Variants in DTNA observed in about 807,000 individuals in gnomAD.
The protein encoded by DTNA is dystrobrevin alpha.
Under a neutral mutation model 100.7 loss-of-function variants are expected in DTNA, and 43 were observed. The observed-to-expected ratio is 0.43, with a 90% CI of 0.33 to 0.55. The LOEUF is 0.55. Ranked by LOEUF, DTNA falls within the 20% of genes least tolerant of loss-of-function variation. The pLI, the probability that DTNA is intolerant of heterozygous loss-of-function variation, is 0.04. For missense variants in DTNA, 798 were observed against 953.9 expected, an observed-to-expected ratio of 0.84 and a Z score of 2.15; for synonymous variants, 349 against 347.9, an observed-to-expected ratio of 1.00 and a Z score of -0.04.
intron 1 of DTNA, among the ~76,000 whole-genome samples, chr18:34,667,581 AT>A (rs1348959494): frequency 6.6e-6 from 1 of 152,166 alleles, no homozygotes; most frequent in Non-Finnish European, 1.5e-5. Flanking sequence ...AGCTCTTATT[AT>A]TTTTAGATAT....
At chr18:34,527,391 A>G (rs1235241781) in intron 1 of DTNA, among the ~76,000 whole-genome samples, 3 of 152,094 alleles carry the variant, frequency 2.0e-5, no homozygotes, top group Non-Finnish European at 4.4e-5. Context: ...GTGGTGCACC[A>G]GATGCTGCCA....
intron 1 of DTNA, among the ~76,000 whole-genome samples, chr18:34,686,677 C>G (rs1224678209): frequency 2.0e-5 from 3 of 152,072 alleles, no homozygotes; most frequent in Non-Finnish European, 4.4e-5. Context: ...TGGAGTCCCT[C>G]TTTTTCTTTT....
In DTNA at chr18:34,888,220, CTGAATTCTT is replaced by C; in HGVS notation, c.*490_*498del. On this transcript the variant is annotated 3_prime_UTR_variant, in exon 23 of 23. Transcript: ENST00000444659. ...CTGTTTATAGCTAGAAGTTTGATTT[CTGAATTCTT>C]TGAGATTTTAGCAAAACAGTTTATT... 3 of 985,810 alleles carry C rather than the reference CTGAATTCTT, an allele frequency of 3.0e-6. No individual in the cohort carries two copies. The highest frequency in any genetic ancestry group is 3.6e-6 in the Non-Finnish European group (3 of 829,906). The allele number at this position is 985,810 out of a possible 1,614,324, so 61.1% of individuals were successfully genotyped here.
intron 1 of DTNA, among the ~76,000 whole-genome samples, chr18:34,516,089 C>G (rs929360691): frequency 6.6e-6 from 1 of 152,024 alleles, no homozygotes; most frequent in Non-Finnish European, 1.5e-5. Flanking sequence ...CCCAATAATT[C>G]AACGTAGGTT....
At chr18:34,656,923 A>G (rs1004842148) in intron 1 of DTNA, among the ~76,000 whole-genome samples, 12 of 151,976 alleles carry the variant, frequency 7.9e-5, no homozygotes, top group African/African-American at 2.9e-4. Context: ...GTCACCCAGG[A>G]TGCAGTTCAG....
At chr18:34,685,881 T>G (rs567335362) in intron 1 of DTNA, among the ~76,000 whole-genome samples, 2 of 152,312 alleles carry the variant, frequency 1.3e-5, no homozygotes, top group South Asian at 4.1e-4. Context: ...TTCTTAGGTA[T>G]TTTATTCTCT....
At chr18:34,770,800 T>TTG (rs1323241871) in intron 3 of DTNA, among the ~76,000 whole-genome samples, 1 of 147,990 alleles carries the variant, frequency 6.8e-6, no homozygotes, top group South Asian at 2.2e-4. Context: ...TTTTTTTTTT[T>TTG]GAGTGGAGTT....
chr18:34,801,073 C>A (rs1200866808), intron 4 of DTNA, among the ~76,000 whole-genome samples: 1 of 152,054 alleles, frequency 6.6e-6, no homozygotes, highest in Non-Finnish European at 1.5e-5. Flanking sequence ...ATATTTTAAC[C>A]AAAGGGTAAG....
upstream of DTNA, chr18:34,709,321 G>C (rs962848795): frequency 3.3e-5 from 5 of 152,198 alleles, no homozygotes; most frequent in African/African-American, 1.2e-4. Flanking sequence ...GGGAAATAAG[G>C]AAGGTTGTGC....
At chr18:34,538,812 A>G (rs1160813662) in intron 1 of DTNA, among the ~76,000 whole-genome samples, 1 of 151,982 alleles carries the variant, frequency 6.6e-6, no homozygotes, top group African/African-American at 2.4e-5. Flanking sequence ...AAAATAATAT[A>G]TAATTGTATG....
intron 1 of DTNA, among the ~76,000 whole-genome samples, chr18:34,692,262 G>T (rs1270235370): frequency 6.6e-6 from 1 of 152,202 alleles, no homozygotes; most frequent in Admixed American, 6.5e-5. Context: ...CCGTTCTGGG[G>T]AAGGAAACCT....
intron 6 of DTNA, among the ~76,000 whole-genome samples, chr18:34,814,899 T>G (rs1026860549): frequency 3.3e-5 from 5 of 152,056 alleles, no homozygotes; most frequent in African/African-American, 1.2e-4. Flanking sequence ...GTATGACAAA[T>G]AGTCAAAATG....
chr18:34,528,216 G>C (rs2145418778), intron 1 of DTNA, among the ~76,000 whole-genome samples: 1 of 152,138 alleles, frequency 6.6e-6, no homozygotes, highest in East Asian at 1.9e-4. Context: ...CAATTGACTG[G>C]ACTCAAGGAA....
chr18:34,766,511 C>T (rs1047035755), intron 3 of DTNA, among the ~76,000 whole-genome samples: 14 of 151,306 alleles, frequency 9.3e-5, no homozygotes, highest in South Asian at 8.3e-4. Flanking sequence ...CATCACACTC[C>T]GGGGCCTGTT....
rs1044804028 is a variant in DTNA, at chr18:34,686,241, C to T, written c.-1-69735C>T. Among the ~76,000 whole-genome samples the T allele has an allele frequency of 3.9e-5, 6 of 152,078 alleles. No homozygotes were observed. In the East Asian group the frequency reaches 1.2e-3, roughly 29 times the overall value. ...TGGTTTTCAAAGGGAATGCTTCTGG[C>T]TTTTGCCCATTCAGTATGATTTTGG... On this transcript the variant is annotated intron_variant, in intron 1 of 19. Coordinates refer to the DTNA transcript ENST00000283365.
At chr18:34,608,513 GT>G (rs34065264) in intron 1 of DTNA, among the ~76,000 whole-genome samples, 36,043 of 144,512 alleles carry the variant, frequency 0.25, 5,233 homozygotes, top group African/African-American at 0.42. Context: ...TATTCGTTAG[GT>G]TTTTTTTTTT....
At chr18:34,812,833 T>C (rs1487833076) in intron 6 of DTNA, among the ~76,000 whole-genome samples, 1 of 152,200 alleles carries the variant, frequency 6.6e-6, no homozygotes, top group Non-Finnish European at 1.5e-5. Flanking sequence ...AAATATATGC[T>C]TGACCCGGCA....
intron 1 of DTNA, among the ~76,000 whole-genome samples, chr18:34,744,200 A>T (rs577289681): frequency 6.6e-6 from 1 of 152,336 alleles, no homozygotes; most frequent in East Asian, 1.9e-4. Flanking sequence ...AATGACACAT[A>T]GTAAATGAGA....
intron 4 of DTNA, among the ~76,000 whole-genome samples, chr18:34,803,027 T>C (rs1312269441): frequency 6.6e-6 from 1 of 152,204 alleles, no homozygotes; most frequent in Non-Finnish European, 1.5e-5. Flanking sequence ...TTCTCTGTTG[T>C]AGAGTCAGTC....
Sources: allele counts gnomAD v4.1 joint callset (sites outside exome capture counted in the v4.1 genomes callset), GRCh38; gene constraint gnomAD v4.1.1; transcripts MANE v1.5; gene names NCBI Gene and HGNC (gene_info 2026-07-23, HGNC 2026-07-21).